The following DACH2 variants were observed in gnomAD, a reference collection of about 807,000 sequenced individuals.
DACH2 encodes dachshund family transcription factor 2, also known as dachshund homolog 2.
A neutral mutation model predicts 35.8 loss-of-function variants in DACH2; 17 were observed. The observed-to-expected ratio is 0.48, with a 90% CI of 0.33 to 0.71. The LOEUF is 0.71. Among genes scored for constraint, DACH2 ranks in the 30% least tolerant of loss-of-function variants. DACH2 has a pLI of 0.02. For synonymous variants in DACH2, 195 were observed against 177.3 expected, an observed-to-expected ratio of 1.10 and a Z score of -0.79; for missense variants, 469 against 472.7, an observed-to-expected ratio of 0.99 and a Z score of 0.07.
At chrX:86,786,853 T>C (rs1205656703) in intron 7 of DACH2, among the ~76,000 whole-genome samples, 3 of 112,023 alleles carry the variant, frequency 2.7e-5, no homozygotes, top group Admixed American at 9.5e-5. Flanking sequence ...TGAATCCCCA[T>C]GTATTGTGAG....
At chrX:86,673,661 A>G in intron 4 of DACH2, among the ~76,000 whole-genome samples, 1 of 111,068 alleles carries the variant, frequency 9.0e-6, no homozygotes, top group Non-Finnish European at 1.9e-5. Context: ...TGTATTTTGT[A>G]GTGTGAGGAC....
intron 4 of DACH2, among the ~76,000 whole-genome samples, chrX:86,667,305 A>AGAAGAAAG (rs2040685061): frequency 2.9e-5 from 1 of 33,937 alleles, no homozygotes; most frequent in Non-Finnish European, 4.9e-5. Context: ...AAGGAAGGAA[A>AGAAGAAAG]GAAGGAAGGA....
chrX:86,449,895 A>C (rs2037340567), intron 2 of DACH2, among the ~76,000 whole-genome samples: 1 of 111,540 alleles, frequency 9.0e-6, no homozygotes, highest in Non-Finnish European at 1.9e-5. Flanking sequence ...TTACTTACAT[A>C]CTTATGATAT....
At chrX:86,429,562 T>TTCTTC (rs1432641157) in intron 2 of DACH2, among the ~76,000 whole-genome samples, 1 of 109,894 alleles carries the variant, frequency 9.1e-6, no homozygotes, top group Non-Finnish European at 1.9e-5. Context: ...TTCTTTTCTT[T>TTCTTC]TCTTTTCTTT....
chrX:86,828,845 A>ACTC (rs1383318965), intron 11 of DACH2: 1 of 111,551 alleles, frequency 9.0e-6, no homozygotes, highest in Non-Finnish European at 1.9e-5. Flanking sequence ...GTTATATGGT[A>ACTC]CTCTAATGAT....
intron 11 of DACH2, chrX:86,831,588 T>C (rs1163795891): frequency 9.0e-6 from 1 of 111,178 alleles, no homozygotes; most frequent in Non-Finnish European, 1.9e-5. Context: ...TTAATGACTA[T>C]CATTTAGAGG....
chrX:86,657,056 A>T (rs1003879076), intron 4 of DACH2, among the ~76,000 whole-genome samples: 3 of 107,373 alleles, frequency 2.8e-5, no homozygotes, highest in Non-Finnish European at 3.9e-5. Flanking sequence ...GAGTGAATAC[A>T]TGGAGATAGA....
chrX:86,283,683 A>T (rs948370499), intron 1 of DACH2, among the ~76,000 whole-genome samples: 1 of 104,438 alleles, frequency 9.6e-6, no homozygotes, highest in African/African-American at 3.5e-5. Context: ...CAATGAGAAC[A>T]CATGGACACA....
At chrX:86,368,247 C>T (rs2035834015) in intron 1 of DACH2, among the ~76,000 whole-genome samples, 1 of 111,973 alleles carries the variant, frequency 8.9e-6, no homozygotes, top group Non-Finnish European at 1.9e-5. Context: ...TCAAGTGGTG[C>T]TTATCACTCA....
At chrX:86,261,425 T>C (rs4341287) in intron 1 of DACH2, among the ~76,000 whole-genome samples, 42,899 of 110,723 alleles carry the variant, frequency 0.39, 7,612 homozygotes, top group African/African-American at 0.7. Context: ...TCTTTGGTTC[T>C]TCTTCACCTG....
rs183483458 is a variant in DACH2 at position 86,516,539 on chromosome X, G to A, written c.640+2148G>A. 5.8e-3 allele frequency among the ~76,000 whole-genome samples: 646 copies of A among 110,797 alleles called. 2 individuals are homozygous for A. The highest frequency in any genetic ancestry group is 8.4e-3 in the Non-Finnish European group (446 of 52,886). ...TTTAAGGTAAACAATCTATGGCTCC[G>A]CGAGTTTAAATTATTTGCTTAAGGT... On this transcript the variant is annotated intron_variant, in intron 3 of 11. Coordinates refer to ENST00000373125, the MANE Select transcript of DACH2 (RefSeq NM_053281.3).
At chrX:86,332,874 A>T (rs2035237655) in intron 1 of DACH2, among the ~76,000 whole-genome samples, 1 of 111,946 alleles carries the variant, frequency 8.9e-6, no homozygotes, top group African/African-American at 3.2e-5. Context: ...GAGGAATAAA[A>T]TACATTGAGG....
intron 3 of DACH2, among the ~76,000 whole-genome samples, chrX:86,525,988 G>C (rs1427656564): frequency 9.0e-6 from 1 of 111,422 alleles, no homozygotes; most frequent in Non-Finnish European, 1.9e-5. Flanking sequence ...TTATTCTGGC[G>C]AGCTTTTGTT....
chrX:86,429,439 C>A, intron 2 of DACH2, among the ~76,000 whole-genome samples: 1 of 111,677 alleles, frequency 9.0e-6, no homozygotes. Context: ...CCAAATGTAA[C>A]CCGCAGGTGT....
At chrX:86,674,858 A>G (rs1221186752) in intron 4 of DACH2, among the ~76,000 whole-genome samples, 1 of 110,937 alleles carries the variant, frequency 9.0e-6, no homozygotes, top group Non-Finnish European at 1.9e-5. Context: ...GTCTTGCCCC[A>G]TGCTTTTATG....
intron 1 of DACH2, among the ~76,000 whole-genome samples, chrX:86,332,522 A>G (rs1419503416): frequency 1.8e-5 from 2 of 111,881 alleles, no homozygotes; most frequent in African/African-American, 6.5e-5. Context: ...TAATGATTAT[A>G]GTATTTCTTC....
intron 2 of DACH2, among the ~76,000 whole-genome samples, chrX:86,443,159 G>A (rs1475448254): frequency 2.7e-5 from 3 of 111,209 alleles, no homozygotes; most frequent in African/African-American, 3.3e-5. Flanking sequence ...TAATATTGAC[G>A]TTTTTACAAT....
intron 2 of DACH2, among the ~76,000 whole-genome samples, chrX:86,414,478 T>C (rs1346111640): frequency 8.1e-5 from 9 of 111,501 alleles, no homozygotes. Context: ...ATTTTGTATT[T>C]GAGTGACTGA....
intron 3 of DACH2, among the ~76,000 whole-genome samples, chrX:86,635,931 A>G (rs1004462806): frequency 2.7e-5 from 3 of 111,663 alleles, no homozygotes; most frequent in Non-Finnish European, 5.6e-5. Context: ...GAAATAAATA[A>G]TATTTTTAAA....
Sources: allele counts gnomAD v4.1 joint callset (sites outside exome capture counted in the v4.1 genomes callset), GRCh38; gene constraint gnomAD v4.1.1; transcripts MANE v1.5; gene names NCBI Gene and HGNC (gene_info 2026-07-23, HGNC 2026-07-21).